The following SIPA1L1 variants were observed in gnomAD, a reference collection of about 807,000 sequenced individuals.
SIPA1L1 encodes signal-induced proliferation-associated 1-like protein 1.
In SIPA1L1, 26 loss-of-function variants were observed where a neutral mutation model predicts 162.7. The observed-to-expected ratio is 0.16, with a 90% CI of 0.12 to 0.22. The LOEUF (loss-of-function observed/expected upper bound fraction) is 0.22. Ranked by LOEUF, SIPA1L1 falls within the 10% of genes least tolerant of loss-of-function variation. The pLI, the probability that SIPA1L1 is intolerant of heterozygous loss-of-function variation, is 1.00. For missense variants in SIPA1L1, 1,874 were observed against 2,241.0 expected (o/e 0.84, Z 3.31); for synonymous variants, 829 against 837.4 (o/e 0.99, Z 0.17).
chr14:71,514,046 G>A (rs1284158938), intron 3 of SIPA1L1, among the ~76,000 whole-genome samples: 2 of 152,150 alleles, frequency 1.3e-5, no homozygotes, highest in Non-Finnish European at 2.9e-5. Context: ...GGGGCATAAG[G>A]CAGAAGAAGA....
intron 2 of SIPA1L1, among the ~76,000 whole-genome samples, chr14:71,503,146 T>C (rs1374759697): frequency 2.0e-5 from 3 of 152,144 alleles, no homozygotes; most frequent in Admixed American, 6.5e-5. Context: ...ATGGTGTAGA[T>C]AGTATTATTT....
intron 19 of SIPA1L1, among the ~76,000 whole-genome samples, chr14:71,727,036 G>C (rs923253568): frequency 6.6e-6 from 1 of 152,034 alleles, no homozygotes; most frequent in African/African-American, 2.4e-5. Flanking sequence ...TGTTAATATT[G>C]AGTGGCAGGG....
intron 12 of SIPA1L1, among the ~76,000 whole-genome samples, chr14:71,677,106 C>T (rs2045288528): frequency 6.6e-6 from 1 of 152,172 alleles, no homozygotes; most frequent in South Asian, 2.1e-4. Context: ...TAAAAGTGTT[C>T]CTATTTCTCC....
At chr14:71,693,488 G>A (rs1408116709) in intron 13 of SIPA1L1, among the ~76,000 whole-genome samples, 2 of 151,954 alleles carry the variant, frequency 1.3e-5, no homozygotes, top group African/African-American at 2.4e-5. Context: ...GACAGAGCAA[G>A]ACTCCGTCTC....
chr14:71,544,855 A>G (rs1322398795), intron 4 of SIPA1L1, among the ~76,000 whole-genome samples: 1 of 152,158 alleles, frequency 6.6e-6, no homozygotes, highest in Non-Finnish European at 1.5e-5. Flanking sequence ...TAAAGGCTTC[A>G]AATCAGGTAA....
At chr14:71,447,131 G>A (rs2045467276) in intron 2 of SIPA1L1, among the ~76,000 whole-genome samples, 1 of 151,270 alleles carries the variant, frequency 6.6e-6, no homozygotes. Context: ...GCCCAGGCTG[G>A]TCTTGAACTC....
intron 2 of SIPA1L1, among the ~76,000 whole-genome samples, chr14:71,361,290 C>T (rs75235217): frequency 0.056 from 8,578 of 152,108 alleles, 582 homozygotes; most frequent in African/African-American, 0.16. Context: ...GAGGTTTTGA[C>T]TTAATTTTAT....
chr14:71,686,004 G>A (rs1283891840), intron 13 of SIPA1L1, among the ~76,000 whole-genome samples: 2 of 152,146 alleles, frequency 1.3e-5, no homozygotes, highest in African/African-American at 4.8e-5. Context: ...CCGAAATGAT[G>A]ATATAAGAGC....
chr14:71,621,215 C>A (rs966825409), intron 6 of SIPA1L1, among the ~76,000 whole-genome samples: 1 of 152,206 alleles, frequency 6.6e-6, no homozygotes, highest in African/African-American at 2.4e-5. Context: ...CCTTTTGACC[C>A]AACAGGGTTC....
At chr14:71,619,786 G>A (rs764034164) in intron 6 of SIPA1L1, among the ~76,000 whole-genome samples, 69 of 152,120 alleles carry the variant, frequency 4.5e-4, no homozygotes, top group Non-Finnish European at 3.5e-4. Flanking sequence ...GCAAGTTTCC[G>A]GGGTTGGCAT....
chr14:71,711,567 T>C (rs2082877327), intron 17 of SIPA1L1, among the ~76,000 whole-genome samples: 4 of 152,200 alleles, frequency 2.6e-5, no homozygotes, highest in Admixed American at 2.6e-4. Context: ...GTTATAGAGA[T>C]CTTGTCTCAA....
intron 4 of SIPA1L1, among the ~76,000 whole-genome samples, chr14:71,535,746 G>A (rs2053841441): frequency 6.6e-6 from 1 of 152,058 alleles, no homozygotes. Context: ...CGAGTAGCTG[G>A]GATGACAGGC....
intron 7 of SIPA1L1, among the ~76,000 whole-genome samples, chr14:71,625,076 G>A (rs143730465): frequency 3.3e-5 from 5 of 152,090 alleles, no homozygotes; most frequent in African/African-American, 1.2e-4. Context: ...GGTTCAGGTA[G>A]TTTATTTATT....
At chr14:71,672,268 T>C (rs376961882) in intron 11 of SIPA1L1, 80 bp from the exon 12 acceptor site, 1 of 1,431,200 alleles carries the variant, frequency 7.0e-7, no homozygotes, top group Non-Finnish European at 9.7e-7. Context: ...TAACCCTGCT[T>C]GCAATGATTT....
chr14:71,547,096 A>G (rs917088029), intron 4 of SIPA1L1, among the ~76,000 whole-genome samples: 3 of 151,414 alleles, frequency 2.0e-5, no homozygotes, highest in South Asian at 2.1e-4. Context: ...GAGCTCCCCT[A>G]ATAGCTCTTT....
chr14:71,467,016 A>G (rs1476242189), intron 2 of SIPA1L1, among the ~76,000 whole-genome samples: 1 of 152,236 alleles, frequency 6.6e-6, no homozygotes, highest in East Asian at 1.9e-4. Flanking sequence ...ATTTTATCTC[A>G]TAACTCAGAC....
intron 7 of SIPA1L1, among the ~76,000 whole-genome samples, chr14:71,638,431 A>G (rs552237924): frequency 3.9e-5 from 6 of 152,252 alleles, no homozygotes; most frequent in African/African-American, 1.4e-4. Context: ...AGACTAAAGA[A>G]GAAAAATCAC....
intron 8 of SIPA1L1, among the ~76,000 whole-genome samples, chr14:71,651,631 C>T (rs989675705): frequency 1.8e-4 from 28 of 152,078 alleles, no homozygotes; most frequent in African/African-American, 6.5e-4. Flanking sequence ...TTCATGTTGC[C>T]CCCATTTGTT....
intron 2 of SIPA1L1, among the ~76,000 whole-genome samples, chr14:71,334,014 A>G (rs2034833609): frequency 6.6e-6 from 1 of 152,192 alleles, no homozygotes. Flanking sequence ...GTTTAGCCTG[A>G]GCAGCTGGAA....
Sources: gnomAD v4.1 joint callset for allele counts (sites outside exome capture counted in the v4.1 genomes callset) on GRCh38, gnomAD v4.1.1 for gene constraint, MANE v1.5 for transcripts, NCBI Gene and HGNC (gene_info 2026-07-23, HGNC 2026-07-21) for gene names.